Variants in ROBO2 observed in about 807,000 individuals in gnomAD.
The protein encoded by ROBO2 is roundabout homolog 2.
A neutral mutation model predicts 160.8 loss-of-function variants in ROBO2; 53 were observed. That is an observed-to-expected ratio of 0.33 (90% confidence interval 0.26 to 0.41). The LOEUF (loss-of-function observed/expected upper bound fraction) is 0.41. Among genes scored for constraint, ROBO2 ranks in the 10% least tolerant of loss-of-function variants. ROBO2 has a pLI of 1.00. For missense variants in ROBO2, 1,577 were observed against 1,722.4 expected (o/e 0.92, Z 1.49); for synonymous variants, 664 against 611.7 (o/e 1.09, Z -1.26).
At chr3:76,441,886 T>G (rs1187643869) in intron 2 of ROBO2, among the ~76,000 whole-genome samples, 4 of 152,172 alleles carry the variant, frequency 2.6e-5, no homozygotes, top group Non-Finnish European at 5.9e-5. Context: ...GCAGAAAACT[T>G]TAATTGTATT....
chr3:77,208,539 A>G (rs1029331854), intron 2 of ROBO2, among the ~76,000 whole-genome samples: 9 of 152,178 alleles, frequency 5.9e-5, no homozygotes, highest in Non-Finnish European at 2.9e-5. Context: ...TGACCTGTTA[A>G]AACTTAGCTC....
intron 2 of ROBO2, among the ~76,000 whole-genome samples, chr3:75,984,161 T>C (rs888862737): frequency 6.6e-6 from 1 of 151,510 alleles, no homozygotes; most frequent in Non-Finnish European, 1.5e-5. Context: ...CAATGTGTTA[T>C]TCAAAGATGT....
At chr3:76,617,279 T>C (rs2088662900) in intron 2 of ROBO2, among the ~76,000 whole-genome samples, 1 of 54,290 alleles carries the variant, frequency 1.8e-5, no homozygotes, top group East Asian at 1.1e-3. Context: ...TAACCCTTTA[T>C]TGTATATATA....
At chr3:76,550,220 C>T (rs973131915) in intron 2 of ROBO2, among the ~76,000 whole-genome samples, 1 of 152,152 alleles carries the variant, frequency 6.6e-6, no homozygotes, top group African/African-American at 2.4e-5. Flanking sequence ...CTTGCTAACT[C>T]GCATTCCTGT....
chr3:77,008,436 G>A (rs76530357), intron 2 of ROBO2, among the ~76,000 whole-genome samples: 1 of 152,100 alleles, frequency 6.6e-6, no homozygotes, highest in African/African-American at 2.4e-5. Context: ...ATTCCAAAGT[G>A]ATAATAGATA....
intron 2 of ROBO2, among the ~76,000 whole-genome samples, chr3:76,021,847 G>A (rs1296960726): frequency 1.3e-5 from 2 of 151,754 alleles, no homozygotes; most frequent in East Asian, 3.9e-4. Flanking sequence ...ATGTGGCTGT[G>A]GCAATTTCTT....
intron 1 of ROBO2, among the ~76,000 whole-genome samples, chr3:75,913,813 G>A (rs1308698371): frequency 6.6e-6 from 1 of 152,094 alleles, no homozygotes; most frequent in Non-Finnish European, 1.5e-5. Flanking sequence ...AACCTTTGCA[G>A]AATATAAATT....
intron 2 of ROBO2, among the ~76,000 whole-genome samples, chr3:76,011,592 ATC>A (rs2107613697): frequency 6.6e-6 from 1 of 152,246 alleles, no homozygotes; most frequent in East Asian, 1.9e-4. Flanking sequence ...CAAGGAAGTG[ATC>A]TCTCTGCAAT....
intron 2 of ROBO2, among the ~76,000 whole-genome samples, chr3:76,232,014 T>C: frequency 6.6e-6 from 1 of 152,200 alleles, no homozygotes; most frequent in Non-Finnish European, 1.5e-5. Context: ...GCTAACTTGC[T>C]CAAAATAGAC....
intron 2 of ROBO2, among the ~76,000 whole-genome samples, chr3:77,223,001 T>G (rs1354707291): frequency 3.9e-5 from 6 of 152,206 alleles, no homozygotes; most frequent in Admixed American, 2.0e-4. Flanking sequence ...ATGTGTGACC[T>G]CTTCCCCTTC....
chr3:76,577,406 T>G (rs1188932275), intron 2 of ROBO2, among the ~76,000 whole-genome samples: 1 of 152,106 alleles, frequency 6.6e-6, no homozygotes, highest in Non-Finnish European at 1.5e-5. Context: ...CCTTGGAAAC[T>G]AATAAACTTT....
chr3:76,084,495 A>T lies in ROBO2; in HGVS notation c.109+146893A>T, dbSNP rs147156337. Among the ~76,000 whole-genome samples the T allele has an allele frequency of 6.1e-3, 924 of 152,274 alleles. 18 individuals are homozygous for T. The highest frequency in any genetic ancestry group is 0.021 in the African/African-American group (867 of 41,560). On this transcript the variant is annotated intron_variant, in intron 2 of 26. Coordinates refer to the ROBO2 transcript ENST00000487694. ...AAGCTGAGGAACAGAAAGGATGAGG[A>T]ATTTACTCAAAATTACACAGTTAAT...
intron 2 of ROBO2, among the ~76,000 whole-genome samples, chr3:76,951,349 G>GT (rs767710430): frequency 6.6e-6 from 1 of 152,094 alleles, no homozygotes; most frequent in Non-Finnish European, 1.5e-5. Flanking sequence ...ACGGATCTCT[G>GT]TTTCTTTTAA....
intron 2 of ROBO2, among the ~76,000 whole-genome samples, chr3:76,138,584 G>T (rs886183393): frequency 6.6e-6 from 1 of 152,022 alleles, no homozygotes; most frequent in Non-Finnish European, 1.5e-5. Context: ...GTTCCTTGAA[G>T]CTTACATCAT....
intron 2 of ROBO2, among the ~76,000 whole-genome samples, chr3:76,459,800 CAT>C (rs1476794078): frequency 6.6e-6 from 1 of 152,072 alleles, no homozygotes; most frequent in African/African-American, 2.4e-5. Flanking sequence ...GTTCCCATCA[CAT>C]AGTTTTATTT....
intron 2 of ROBO2, among the ~76,000 whole-genome samples, chr3:76,271,059 C>T (rs1386613853): frequency 6.6e-6 from 1 of 151,936 alleles, no homozygotes; most frequent in African/African-American, 2.4e-5. Flanking sequence ...CTTGAATAGC[C>T]ACTGCTACTA....
chr3:76,701,381 C>G (rs2093041373), intron 2 of ROBO2, among the ~76,000 whole-genome samples: 1 of 151,936 alleles, frequency 6.6e-6, no homozygotes, highest in Admixed American at 6.6e-5. Flanking sequence ...ATATGAGAGT[C>G]AGATGTGTGT....
intron 2 of ROBO2, among the ~76,000 whole-genome samples, chr3:76,095,815 G>T (rs905114609): frequency 1.3e-5 from 2 of 149,584 alleles, no homozygotes; most frequent in Non-Finnish European, 3.0e-5. Flanking sequence ...AATATAACAA[G>T]GAAATCTAAC....
chr3:77,065,034 T>C (rs1578660745), intron 1 of ROBO2, among the ~76,000 whole-genome samples: 1 of 152,164 alleles, frequency 6.6e-6, no homozygotes, highest in Non-Finnish European at 1.5e-5. Context: ...TTTTATTCAA[T>C]GATTCTAATG....
Sources: allele counts gnomAD v4.1 joint callset (sites outside exome capture counted in the v4.1 genomes callset), GRCh38; gene constraint gnomAD v4.1.1; transcripts MANE v1.5; gene names NCBI Gene and HGNC (gene_info 2026-07-23, HGNC 2026-07-21).